Variants in RAP2A observed in about 807,000 individuals in gnomAD.
The protein encoded by RAP2A is RAP2A, member of RAS oncogene family, also known as ras-related protein Rap-2a.
A neutral mutation model predicts 15.1 loss-of-function variants in RAP2A; 5 were observed. That is an observed-to-expected ratio of 0.33 (90% CI 0.17 to 0.70). The LOEUF is 0.70. Ranked by LOEUF, RAP2A falls within the 30% of genes least tolerant of loss-of-function variation. The pLI is 0.68. For synonymous variants in RAP2A, 110 were observed against 99.7 expected (o/e 1.10, Z -0.62); for missense variants, 111 against 240.3 (o/e 0.46, Z 3.56).
chr13:97,448,011 C>G lies in RAP2A; in HGVS notation c.314+13227C>G, dbSNP rs1042871805. Among the ~76,000 whole-genome samples, 4 of 151,252 alleles carry G rather than the reference C, an allele frequency of 2.6e-5. No homozygotes were observed. The South Asian group carries it at 8.4e-4, about 32-fold the overall frequency. On this transcript the variant is annotated intron_variant, in intron 1 of 1. Transcript: ENST00000245304. ...CTTTTTTCTTTTTTTATTAACCCAC[C>G]TTGTCTTAGCTAGGCCTTCAGAGCC...
intron 1 of RAP2A, among the ~76,000 whole-genome samples, chr13:97,454,497 C>T (rs779133183): frequency 6.6e-6 from 1 of 150,740 alleles, no homozygotes; most frequent in African/African-American, 2.4e-5. Flanking sequence ...AATACCTAAC[C>T]GTTCACAGTC....
intron 1 of RAP2A, among the ~76,000 whole-genome samples, chr13:97,444,393 C>A (rs2066671026): frequency 6.6e-6 from 1 of 152,116 alleles, no homozygotes; most frequent in Non-Finnish European, 1.5e-5. Flanking sequence ...TGACAGTAGA[C>A]CTCTTTATGA....
At chr13:97,445,607 A>G (rs1025252525) in intron 1 of RAP2A, among the ~76,000 whole-genome samples, 11 of 152,316 alleles carry the variant, frequency 7.2e-5, no homozygotes, top group Non-Finnish European at 1.2e-4. Context: ...TGGATGGTCA[A>G]CTAGTTTTGG....
chr13:97,455,496 C>CTGTA (rs916930315), intron 1 of RAP2A, among the ~76,000 whole-genome samples: 1 of 151,368 alleles, frequency 6.6e-6, no homozygotes, highest in Non-Finnish European at 1.5e-5. Flanking sequence ...CTGTTACAGT[C>CTGTA]CTCTGTAGAA....
intron 1 of RAP2A, among the ~76,000 whole-genome samples, chr13:97,435,479 A>C (rs1029951139): frequency 1.9e-4 from 28 of 149,372 alleles, no homozygotes; most frequent in African/African-American, 6.8e-4. Context: ...AAAAAAAAAA[A>C]AAAAAAAACA....
Position 97,434,442 on chromosome 13 carries a change from G to T in RAP2A, c.-29G>T. ...CCGGCGTAGGTCTATGTCGCGGGCG[G>T]CGGCGGCGGCGGCGGCCGCGGAGGG... On this transcript the variant is annotated 5_prime_UTR_variant, in exon 1 of 2. Coordinates refer to ENST00000245304, the MANE Select transcript of RAP2A (RefSeq NM_021033.7). The T allele has an allele frequency of 1.3e-6, 2 of 1,548,756 alleles. No homozygotes were observed. The highest frequency in any genetic ancestry group is 2.4e-5 in the South Asian group (2 of 82,392).
chr13:97,450,695 G>GT (rs58708859), intron 1 of RAP2A, among the ~76,000 whole-genome samples: 3,958 of 151,860 alleles, frequency 0.026, 175 homozygotes, highest in African/African-American at 0.092. Context: ...ATTCAGATAG[G>GT]TTTTTTACAT....
chr13:97,436,776 T>C (rs1423468514), intron 1 of RAP2A, among the ~76,000 whole-genome samples: 1 of 152,198 alleles, frequency 6.6e-6, no homozygotes, highest in Non-Finnish European at 1.5e-5. Context: ...TCTCAGTTCT[T>C]GATATAAAAA....
rs901929747 is a variant in RAP2A, at chr13:97,467,417, T to C, written c.*2975T>C. The stretch of plus-strand genomic sequence containing the variant: ...TGCTACAGTTGCCATCACCTTTCTG[T>C]GGTAATACTACTGATATTTGCTTTT... On this transcript the variant is annotated 3_prime_UTR_variant, in exon 2 of 2. Transcript: ENST00000245304. 6.6e-6 allele frequency: 1 copy of C among 152,590 alleles called. No individual in the cohort carries two copies. The highest frequency in any genetic ancestry group is 2.4e-5 in the African/African-American group (1 of 41,470). 9.5% of individuals were successfully genotyped at this position (152,590 alleles called of 1,614,324 possible). A position where few individuals can be genotyped will look rare whatever the true frequency, so the allele number is the denominator to read the frequency against.
Position 97,468,312 on chromosome 13 carries a change from T to A in RAP2A, c.*3870T>A, listed in dbSNP as rs1270830143. The A allele has an allele frequency of 6.6e-6, 1 of 152,258 alleles. No homozygotes were observed. Among genetic ancestry groups the A allele is most frequent in the African/African-American group, 2.4e-5 (1 of 41,478 alleles). 9.4% of individuals were successfully genotyped at this position (152,258 alleles called of 1,614,324 possible). On this transcript the variant is annotated 3_prime_UTR_variant, in exon 2 of 2. Coordinates refer to ENST00000245304, the MANE Select transcript of RAP2A (RefSeq NM_021033.7). ...AATTGTTCAAATAATTAACATTAAT[T>A]AGCAATATCACTAAAATGATTCAGA...
chr13:97,434,911 A>T, intron 1 of RAP2A, 127 bp downstream of exon 1: 1 of 1,322,472 alleles, frequency 7.6e-7, no homozygotes, highest in Non-Finnish European at 1.0e-6. Context: ...AGGCTTTACT[A>T]TTGTCATTCT....
intron 1 of RAP2A, among the ~76,000 whole-genome samples, chr13:97,450,056 A>G (rs1401115899): frequency 6.6e-6 from 1 of 152,114 alleles, no homozygotes; most frequent in African/African-American, 2.4e-5. Context: ...CAATAGAAAA[A>G]TCTTGCAGGA....
intron 1 of RAP2A, among the ~76,000 whole-genome samples, chr13:97,458,847 G>T (rs924682421): frequency 4.6e-5 from 7 of 151,990 alleles, no homozygotes; most frequent in Admixed American, 4.6e-4. Flanking sequence ...AAGCTGTCTC[G>T]GTGAGAAGCC....
At chr13:97,436,771 G>A (rs2066636000) in intron 1 of RAP2A, among the ~76,000 whole-genome samples, 1 of 152,108 alleles carries the variant, frequency 6.6e-6, no homozygotes, top group Non-Finnish European at 1.5e-5. Flanking sequence ...ACTAGTCTCA[G>A]TTCTTGATAT....
At chr13:97,458,009 C>G (rs1272042977) in intron 1 of RAP2A, among the ~76,000 whole-genome samples, 1 of 152,052 alleles carries the variant, frequency 6.6e-6, no homozygotes, top group Non-Finnish European at 1.5e-5. Context: ...TAAACTGTGA[C>G]TTTTTAACAC....
At chr13:97,447,858 T>G (rs1872468895) in intron 1 of RAP2A, among the ~76,000 whole-genome samples, 1 of 152,172 alleles carries the variant, frequency 6.6e-6, no homozygotes, top group African/African-American at 2.4e-5. Flanking sequence ...TATAAAACAT[T>G]CATTGCCCTT....
At chr13:97,450,567 A>C (rs1241689861) in intron 1 of RAP2A, among the ~76,000 whole-genome samples, 4 of 152,160 alleles carry the variant, frequency 2.6e-5, no homozygotes, top group African/African-American at 9.7e-5. Context: ...TTTTTTATTA[A>C]AATGTACACT....
At position 97,465,857 on chromosome 13, in the gene RAP2A, T is replaced by A. The variant is rs2066768436; in HGVS notation, c.*1415T>A. 1 of 152,182 alleles carries A rather than the reference T, an allele frequency of 6.6e-6. No homozygotes were observed. Among genetic ancestry groups the A allele is most frequent in the Admixed American group, 6.6e-5 (1 of 15,264 alleles). 9.4% of individuals were successfully genotyped at this position (152,182 alleles called of 1,614,324 possible). On this transcript the variant is annotated 3_prime_UTR_variant, in exon 2 of 2. Coordinates refer to ENST00000245304, the MANE Select transcript of RAP2A (RefSeq NM_021033.7). ...TAGTTATACATAAATGCTGAAAAGA[T>A]TATCTTGAGCTGGGCCTTGGGAGAA...
At chr13:97,441,014 T>A (rs1016268198) in intron 1 of RAP2A, among the ~76,000 whole-genome samples, 3 of 152,194 alleles carry the variant, frequency 2.0e-5, no homozygotes, top group Non-Finnish European at 4.4e-5. Context: ...AGGAAACTTT[T>A]GTTTTGGCTG....
Sources: allele counts gnomAD v4.1 joint callset (sites outside exome capture counted in the v4.1 genomes callset), GRCh38; gene constraint gnomAD v4.1.1; transcripts MANE v1.5; gene names NCBI Gene and HGNC (gene_info 2026-07-23, HGNC 2026-07-21).